Variants in PPIG observed in about 807,000 individuals in gnomAD.
The protein encoded by PPIG is peptidyl-prolyl cis-trans isomerase G.
In PPIG, 26 loss-of-function variants were observed where a neutral mutation model predicts 87.9. The observed-to-expected ratio is 0.30, with a 90% confidence interval of 0.22 to 0.41. The LOEUF (loss-of-function observed/expected upper bound fraction) is 0.41. PPIG is among the 10% of genes least tolerant of loss of function. The pLI is 1.00. For missense variants in PPIG, 722 were observed against 879.4 expected (o/e 0.82, Z 2.26); for synonymous variants, 308 against 276.5 (o/e 1.11, Z -1.13).
intron 1 of PPIG, among the ~76,000 whole-genome samples, chr2:169,586,083 C>T (rs1278941206): frequency 1.3e-5 from 2 of 151,970 alleles, no homozygotes; most frequent in East Asian, 1.9e-4. Context: ...TTTATGTTAA[C>T]GAGTTGGGAC....
chr2:169,603,039 G>A (rs936161171), intron 1 of PPIG, among the ~76,000 whole-genome samples: 1 of 152,074 alleles, frequency 6.6e-6, no homozygotes, highest in African/African-American at 2.4e-5. Flanking sequence ...CAGCTGGCTT[G>A]GACAATGATA....
At position 169,639,617 on chromosome 2, in the gene PPIG, T is replaced by C. The variant is rs1686267182; in HGVS notation, c.*2094T>C. The C allele has an allele frequency of 1.3e-5, 2 of 152,152 alleles. No individual in the cohort carries two copies. The highest frequency in any genetic ancestry group is 3.8e-4 in the East Asian group (2 of 5,202). 9.4% of individuals were successfully genotyped at this position (152,152 alleles called of 1,614,324 possible). ...GCAACTCCATGCTCCGCATTATTTA[T>C]AGTCCTTATTTTAAAGTTTTATTAG... On this transcript the variant is annotated 3_prime_UTR_variant, in exon 14 of 14. Coordinates refer to ENST00000260970, the MANE Select transcript of PPIG (RefSeq NM_004792.3).
At chr2:169,627,699 GC>G (rs1471364697) in intron 9 of PPIG, among the ~76,000 whole-genome samples, 1 of 102,960 alleles carries the variant, frequency 9.7e-6, no homozygotes, top group Non-Finnish European at 1.8e-5. Flanking sequence ...TAGCCAGTGG[GC>G]TTGCTTTTTT....
At chr2:169,608,125 G>GA (rs1348798479) in intron 6 of PPIG, among the ~76,000 whole-genome samples, 1 of 152,168 alleles carries the variant, frequency 6.6e-6, no homozygotes, top group African/African-American at 2.4e-5. Context: ...AAATGGAAAG[G>GA]AAGGGGATTG....
chr2:169,590,847 A>G (rs74916479), intron 1 of PPIG, among the ~76,000 whole-genome samples: 9 of 152,152 alleles, frequency 5.9e-5, no homozygotes, highest in African/African-American at 2.2e-4. Flanking sequence ...CCACAAAAAA[A>G]TTTTTAAAAA....
chr2:169,633,313 T>C (rs756300374), intron 12 of PPIG, 66 bp downstream of exon 12: 3 of 1,246,618 alleles, frequency 2.4e-6, no homozygotes, highest in Non-Finnish European at 3.5e-6. Flanking sequence ...AATTTTAGGG[T>C]GTTTCTTAAA....
At position 169,636,442 on chromosome 2, in the gene PPIG, A is replaced by G. The variant is rs765242088; in HGVS notation, c.1184A>G (p.Gln395Arg). The G allele has an allele frequency of 6.5e-7, 1 of 1,547,824 alleles. No homozygotes were observed. Among genetic ancestry groups the G allele is most frequent in the Admixed American group, 2.2e-5 (1 of 44,744 alleles). Residue 395 changes from glutamine to arginine, a missense_variant, in exon 14 of 14, where the codon CAG becomes CGG. Around this residue, in one of 4 missense-constraint regions of PPIG, gnomAD observed 476 missense variants for 483.1 expected, o/e 0.99. Transcript: ENST00000260970. Reference protein sequence around the residue: ...KSELNEIKENQRSPVRVKERK... With the variant: ...KSELNEIKENRRSPVRVKERK... ...GAGTTGAATGAAATAAAAGAAAATC[A>G]GAGAAGTCCAGTTAGAGTAAAAGAG...
chr2:169,591,780 G>GT (rs1684868354), intron 1 of PPIG, among the ~76,000 whole-genome samples: 2 of 34,278 alleles, frequency 5.8e-5, no homozygotes, highest in East Asian at 1.1e-3. Flanking sequence ...CACATATTGT[G>GT]ATTTTTTTTT....
intron 11 of PPIG, among the ~76,000 whole-genome samples, chr2:169,632,937 C>A (rs562700791): frequency 6.6e-6 from 1 of 151,394 alleles, no homozygotes; most frequent in East Asian, 2.0e-4. Context: ...CCACCATGCC[C>A]AGCTAATTTT....
At chr2:169,593,524 C>G (rs1036964964) in intron 1 of PPIG, among the ~76,000 whole-genome samples, 2 of 152,132 alleles carry the variant, frequency 1.3e-5, no homozygotes, top group Non-Finnish European at 2.9e-5. Context: ...TCCAGTCTTA[C>G]AGACACACAC....
intron 9 of PPIG, among the ~76,000 whole-genome samples, chr2:169,622,252 C>T (rs1383026879): frequency 6.6e-6 from 1 of 151,976 alleles, no homozygotes; most frequent in East Asian, 1.9e-4. Flanking sequence ...GAAACCCTGT[C>T]TCTACTAAAA....
At chr2:169,616,452 A>T (rs1412337361) in intron 9 of PPIG, among the ~76,000 whole-genome samples, 2 of 152,168 alleles carry the variant, frequency 1.3e-5, no homozygotes, top group Admixed American at 6.5e-5. Context: ...GAACTAATTT[A>T]CACTCCCACC....
intron 7 of PPIG, among the ~76,000 whole-genome samples, chr2:169,609,313 A>G (rs115141833): frequency 6.6e-6 from 1 of 152,022 alleles, no homozygotes; most frequent in Non-Finnish European, 1.5e-5. Flanking sequence ...GGCTCAAGCA[A>G]TCCTCTACAC....
intron 1 of PPIG, among the ~76,000 whole-genome samples, chr2:169,591,035 T>G (rs2592803): frequency 6.6e-6 from 1 of 151,992 alleles, no homozygotes; most frequent in South Asian, 2.1e-4. Flanking sequence ...ACTTTGTATT[T>G]TTTCTAGATT....
At chr2:169,622,725 C>G (rs1028088571) in intron 9 of PPIG, among the ~76,000 whole-genome samples, 3 of 152,164 alleles carry the variant, frequency 2.0e-5, no homozygotes, top group African/African-American at 4.8e-5. Flanking sequence ...CACTTGGGCC[C>G]CTGTTATTCC....
rs189190950 is a variant in PPIG at position 169,640,585 on chromosome 2, A to G, written c.*3062A>G. On this transcript the variant is annotated 3_prime_UTR_variant, in exon 14 of 14. Coordinates refer to ENST00000260970, the MANE Select transcript of PPIG (RefSeq NM_004792.3). The stretch of plus-strand genomic sequence containing the variant: ...AAATACCTACCATAGCTGATTTGTT[A>G]TAAAGAAACAAAATGGGTGTTCTTC... 28 of 152,312 alleles carry G rather than the reference A, an allele frequency of 1.8e-4. No individual in the cohort carries two copies. Among genetic ancestry groups the G allele is most frequent in the African/African-American group, 6.5e-4 (27 of 41,576 alleles). 9.4% of individuals were successfully genotyped at this position (152,312 alleles called of 1,614,324 possible).
chr2:169,632,482 C>T (rs1686083327), intron 11 of PPIG, among the ~76,000 whole-genome samples: 1 of 152,170 alleles, frequency 6.6e-6, no homozygotes, highest in African/African-American at 2.4e-5. Flanking sequence ...TGGCTCACGC[C>T]TGTAATCCCA....
intron 11 of PPIG, 133 bp downstream of exon 11, chr2:169,632,066 C>T: frequency 8.3e-7 from 1 of 1,206,368 alleles, no homozygotes; most frequent in Non-Finnish European, 1.1e-6. Flanking sequence ...AAATGTTCTT[C>T]CGCAAAGTTC....
intron 9 of PPIG, among the ~76,000 whole-genome samples, chr2:169,618,851 TG>T (rs1231329241): frequency 6.6e-6 from 1 of 152,012 alleles, no homozygotes; most frequent in African/African-American, 2.4e-5. Context: ...AAGGGTTTTT[TG>T]TTTCTCTTAT....
Sources: allele counts gnomAD v4.1 joint callset (sites outside exome capture counted in the v4.1 genomes callset), GRCh38; gene constraint gnomAD v4.1.1; regional missense constraint gnomAD v4.1.1; transcripts MANE v1.5; gene names NCBI Gene and HGNC (gene_info 2026-07-23, HGNC 2026-07-21).